PXDNL: variants seen among roughly 807,000 people sequenced by gnomAD.
PXDNL encodes the protein probable oxidoreductase PXDNL.
Under a neutral mutation model 150.8 loss-of-function variants are expected in PXDNL, and 145 were observed. The observed-to-expected ratio is 0.96, with a 90% CI of 0.84 to 1.10. The LOEUF (loss-of-function observed/expected upper bound fraction) is 1.10. PXDNL is among the 50% of genes least tolerant of loss of function. The pLI is 0.00. For missense variants in PXDNL, 2,087 were observed against 1,873.9 expected (o/e 1.11, Z -2.10); for synonymous variants, 757 against 725.7 (o/e 1.04, Z -0.69).
chr8:51,777,063 A>G (rs954669761), intron 1 of PXDNL, among the ~76,000 whole-genome samples: 3 of 152,234 alleles, frequency 2.0e-5, no homozygotes, highest in Non-Finnish European at 4.4e-5. Context: ...AAGTATACAA[A>G]GTAAAATGCT....
At chr8:51,558,813 T>A (rs1000813663) in intron 3 of PXDNL, among the ~76,000 whole-genome samples, 1 of 152,124 alleles carries the variant, frequency 6.6e-6, no homozygotes, top group Non-Finnish European at 1.5e-5. Context: ...ATTCAAGTTA[T>A]AGGACCAACA....
intron 2 of PXDNL, among the ~76,000 whole-genome samples, chr8:51,652,978 T>C (rs1815072938): frequency 6.6e-6 from 1 of 152,148 alleles, no homozygotes; most frequent in South Asian, 2.1e-4. Context: ...CTTGAATTTT[T>C]TAAATGGCAA....
In PXDNL at chr8:51,409,457, A is replaced by G. The variant is rs775667486; in HGVS notation, c.2167T>C (p.Phe723Leu). The G allele has an allele frequency of 1.9e-5, 31 of 1,612,642 alleles. No individual in the cohort carries two copies. The highest frequency in any genetic ancestry group is 2.5e-5 in the Non-Finnish European group (30 of 1,179,762). The change falls in exon 17 of 23, where the codon TTC (phenylalanine) becomes CTC (leucine). Residue 723 changes from phenylalanine (F) to leucine (L), a missense_variant. Physicochemically the swap from Phe to Leu is conservative, Grantham distance 22. Coordinates refer to ENST00000356297, the MANE Select transcript of PXDNL (RefSeq NM_144651.5). The part of the protein sequence containing the change: ...RPLPNCSNRC[F>L]HAKYRAHDGT... The stretch of plus-strand genomic sequence containing the variant: ...TCGTGGGCGCGGTACTTCGCATGGA[A>G]ACACCGGTTGGAGCAGTTTGGCAGA...
intron 12 of PXDNL, among the ~76,000 whole-genome samples, chr8:51,442,100 C>A (rs1309482919): frequency 6.6e-6 from 1 of 152,038 alleles, no homozygotes; most frequent in Non-Finnish European, 1.5e-5. Context: ...CAGGGTCACT[C>A]TTCCATATGT....
At chr8:51,534,418 C>A (rs1812007006) in intron 4 of PXDNL, among the ~76,000 whole-genome samples, 1 of 138,828 alleles carries the variant, frequency 7.2e-6, no homozygotes, top group South Asian at 2.4e-4. Flanking sequence ...CTCTGCCCGG[C>A]CGCCCCTACT....
chr8:51,524,884 G>A (rs1473928284), intron 4 of PXDNL, among the ~76,000 whole-genome samples: 5 of 152,032 alleles, frequency 3.3e-5, no homozygotes, highest in African/African-American at 9.7e-5. Context: ...TGAGATTTCT[G>A]GAATCTTTGA....
At chr8:51,712,915 C>G (rs1243686987) in intron 1 of PXDNL, among the ~76,000 whole-genome samples, 1 of 152,040 alleles carries the variant, frequency 6.6e-6, no homozygotes, top group Non-Finnish European at 1.5e-5. Flanking sequence ...TCATTCTAAA[C>G]ATTACTTCTC....
chr8:51,755,977 A>C (rs1483060979), intron 1 of PXDNL, among the ~76,000 whole-genome samples: 2 of 152,244 alleles, frequency 1.3e-5, no homozygotes, highest in African/African-American at 2.4e-5. Flanking sequence ...CAATGGAATT[A>C]GAAATTCTAA....
intron 4 of PXDNL, among the ~76,000 whole-genome samples, chr8:51,534,281 C>T (rs896251290): frequency 7.1e-6 from 1 of 141,178 alleles, no homozygotes; most frequent in Non-Finnish European, 1.5e-5. Flanking sequence ...GGAGCCCCTC[C>T]GTCCGGCAGC....
intron 1 of PXDNL, among the ~76,000 whole-genome samples, chr8:51,744,072 AGG>A (rs1297226226): frequency 0.026 from 1,825 of 71,376 alleles, 50 homozygotes; most frequent in African/African-American, 0.042. Context: ...GAAGGAAGGA[AGG>A]AAGGAAGGAA....
chr8:51,654,654 T>G (rs1182476229), intron 2 of PXDNL, 35 bp downstream of exon 2: 1 of 1,534,344 alleles, frequency 6.5e-7, no homozygotes, highest in South Asian at 1.1e-5. Context: ...AGCATATAAT[T>G]TTAGGAACCT....
At chr8:51,557,179 C>T (rs953441478) in intron 3 of PXDNL, among the ~76,000 whole-genome samples, 3 of 152,006 alleles carry the variant, frequency 2.0e-5, no homozygotes, top group Non-Finnish European at 4.4e-5. Context: ...CTAATGGAGT[C>T]ATATATACTG....
chr8:51,618,429 A>C (rs950690035), intron 2 of PXDNL, among the ~76,000 whole-genome samples: 32 of 152,372 alleles, frequency 2.1e-4, no homozygotes, highest in African/African-American at 6.5e-4. Flanking sequence ...CATCATGGAA[A>C]TGCTATAATA....
intron 19 of PXDNL, among the ~76,000 whole-genome samples, chr8:51,365,573 C>T (rs1045049813): frequency 2.0e-5 from 3 of 152,294 alleles, no homozygotes; most frequent in South Asian, 4.1e-4. Context: ...CTCCCTGCTG[C>T]GTTGTATTCT....
chr8:51,558,402 C>A (rs1044267163), intron 3 of PXDNL, among the ~76,000 whole-genome samples: 2 of 152,094 alleles, frequency 1.3e-5, no homozygotes, highest in African/African-American at 4.8e-5. Context: ...GGATTCAGAA[C>A]TACCTCCTGG....
chr8:51,510,560 T>C (rs1284450895), intron 4 of PXDNL, among the ~76,000 whole-genome samples: 2 of 152,292 alleles, frequency 1.3e-5, no homozygotes, highest in East Asian at 3.9e-4. Context: ...GGAAAGGAAC[T>C]ATAGGCCACA....
At chr8:51,650,177 C>T (rs1312455867) in intron 2 of PXDNL, among the ~76,000 whole-genome samples, 8 of 151,074 alleles carry the variant, frequency 5.3e-5, no homozygotes, top group Non-Finnish European at 7.4e-5. Context: ...TTAAATGCTC[C>T]TTTATTATAT....
chr8:51,397,415 C>T (rs1019928378), intron 17 of PXDNL, among the ~76,000 whole-genome samples: 1 of 152,002 alleles, frequency 6.6e-6, no homozygotes, highest in African/African-American at 2.4e-5. Flanking sequence ...AAATATAATA[C>T]CTCAAAAACA....
chr8:51,724,088 G>A (rs564420489), intron 1 of PXDNL, among the ~76,000 whole-genome samples: 1 of 151,908 alleles, frequency 6.6e-6, no homozygotes, highest in Admixed American at 6.6e-5. Context: ...GGTGGGGGTG[G>A]GGTGCTACTC....
Sources: gnomAD v4.1 joint callset for allele counts (sites outside exome capture counted in the v4.1 genomes callset) on GRCh38, gnomAD v4.1.1 for gene constraint, MANE v1.5 for transcripts, NCBI Gene and HGNC (gene_info 2026-07-23, HGNC 2026-07-21) for gene names.